Variants in CRYBG1 observed in about 807,000 individuals in gnomAD.
The protein encoded by CRYBG1 is crystallin beta-gamma domain containing 1.
Under a neutral mutation model 189.2 loss-of-function variants are expected in CRYBG1, and 139 were observed. The ratio of observed to expected loss-of-function variants is 0.73; its 90% CI spans 0.64 to 0.85. The LOEUF is 0.85. CRYBG1 is among the 40% of genes least tolerant of loss of function. CRYBG1 has a pLI of 0.00. For missense variants in CRYBG1, 2,611 were observed against 2,675.8 expected (o/e 0.98, Z 0.53); for synonymous variants, 1,023 against 1,017.1 (o/e 1.01, Z -0.11).
intron 3 of CRYBG1, among the ~76,000 whole-genome samples, chr6:106,516,498 T>C (rs547841625): frequency 6.6e-6 from 1 of 152,188 alleles, no homozygotes; most frequent in Admixed American, 6.5e-5. Context: ...CCTCCCAAAG[T>C]GTAGGGATTA....
intron 2 of CRYBG1, among the ~76,000 whole-genome samples, chr6:106,498,866 C>G (rs935001667): frequency 6.6e-6 from 1 of 151,626 alleles, no homozygotes; most frequent in African/African-American, 2.4e-5. Flanking sequence ...AAAAGTGAGA[C>G]CCGTCTCAAA....
rs570909275 is a variant in CRYBG1 at position 106,554,912 on chromosome 6, A to G, written c.5586-856A>G. 1.8e-4 allele frequency among the ~76,000 whole-genome samples: 27 copies of G among 152,268 alleles called. 1 individual carries two copies. In the South Asian group the frequency reaches 5.6e-3, roughly 32 times the overall value. ...CCAGGCACGGTGACTCACACCTGTA[A>G]TCCCAGCACTTTGGGAGGCCGAGGT... is the stretch of plus-strand genomic sequence containing the variant. On this transcript the variant is annotated intron_variant, in intron 16 of 21. Coordinates refer to ENST00000633556, the MANE Select transcript of CRYBG1 (RefSeq NM_001371242.2).
Position 106,465,055 on chromosome 6 carries a change from ATTATC to A in CRYBG1, c.312+13228_312+13232del, listed in dbSNP as rs1772084097. On this transcript the variant is annotated intron_variant, in intron 2 of 21. Transcript: ENST00000633556. ...TTCATCTTTAAAACTCTGATTAAAT[ATTATC>A]TTATTTGCGAAGTTCCCCTAATTCC... Among the ~76,000 whole-genome samples the A allele has an allele frequency of 3.3e-5, 5 of 152,326 alleles. No individual in the cohort carries two copies. The South Asian group carries it at 1.0e-3, about 32-fold the overall frequency.
chr6:106,563,866 T>C lies in CRYBG1; in HGVS notation c.6241T>C (p.Leu2081=), dbSNP rs1351353292. ...DQNADSQFWS[L]KSDGRIYSKL... ...GAATGCTGACAGCCAGTTCTGGAGC[T>C]TGAAGTCCGATGGCAGGATTTACAG... Residue 2081 remains leucine, a synonymous_variant, in exon 21 of 22, where the codon TTG becomes CTG. Transcript: ENST00000633556. The C allele has an allele frequency of 1.2e-6, 2 of 1,613,618 alleles. No individual in the cohort carries two copies. Among genetic ancestry groups the C allele is most frequent in the Non-Finnish European group, 1.7e-6 (2 of 1,179,508 alleles).
chr6:106,499,251 C>T (rs1428982342), intron 2 of CRYBG1, among the ~76,000 whole-genome samples: 1 of 149,086 alleles, frequency 6.7e-6, no homozygotes, highest in Non-Finnish European at 1.5e-5. Flanking sequence ...CTCCCGGGTT[C>T]AAGCAATTCT....
In CRYBG1 at chr6:106,551,909, A is replaced by G. The variant is rs1774412961; in HGVS notation, c.5370A>G (p.Gly1790=). ...GAGAACAGTATATACTGGATAAAGG[A>G]TTTTATACCAGTTTTGAGGACTGGG... The part of the protein sequence containing the change: ...FTGEQYILDK[G]FYTSFEDWGG... Residue 1790 remains glycine (G), a synonymous_variant, in exon 14 of 22, where the codon GGA becomes GGG. Transcript: ENST00000633556. The G allele has an allele frequency of 6.2e-7, 1 of 1,610,742 alleles. No individual in the cohort carries two copies. Among genetic ancestry groups the G allele is most frequent in the Admixed American group, 1.7e-5 (1 of 59,922 alleles).
chr6:106,465,869 G>T (rs922814796), intron 2 of CRYBG1, among the ~76,000 whole-genome samples: 11 of 152,086 alleles, frequency 7.2e-5, no homozygotes, highest in African/African-American at 1.7e-4. Context: ...TGAGCAAGTT[G>T]CCCATCCCTA....
intron 1 of CRYBG1, among the ~76,000 whole-genome samples, chr6:106,381,580 GA>G (rs1770288734): frequency 6.6e-6 from 1 of 152,222 alleles, no homozygotes; most frequent in Non-Finnish European, 1.5e-5. Context: ...AAGTGAGTAA[GA>G]AGCCAGCCAG....
intron 1 of CRYBG1, among the ~76,000 whole-genome samples, chr6:106,388,111 T>C (rs1276895472): frequency 1.3e-5 from 2 of 152,226 alleles, no homozygotes; most frequent in African/African-American, 4.8e-5. Context: ...TGTCTAGTTA[T>C]GCCACCTCAC....
At chr6:106,469,549 G>A (rs1582780936) in intron 2 of CRYBG1, among the ~76,000 whole-genome samples, 1 of 152,124 alleles carries the variant, frequency 6.6e-6, no homozygotes, top group South Asian at 2.1e-4. Context: ...ATTTCTCAAG[G>A]ACTACTTAAT....
rs1263629584 is a variant in CRYBG1 at position 106,371,952 on chromosome 6, A to C, written c.173+10871A>C. On this transcript the variant is annotated intron_variant, in intron 1 of 21. Transcript: ENST00000633556. ...TTTGTATGCCCATGAGGAAACAACC[A>C]GTCACAATAGCTGATAACTGTTGAC... 3.9e-5 allele frequency among the ~76,000 whole-genome samples: 6 copies of C among 152,236 alleles called. No individual in the cohort carries two copies. The East Asian group carries it at 1.2e-3, about 29-fold the overall frequency.
intron 13 of CRYBG1, among the ~76,000 whole-genome samples, chr6:106,550,300 A>G (rs1774365623): frequency 6.6e-6 from 1 of 152,262 alleles, no homozygotes; most frequent in Non-Finnish European, 1.5e-5. Flanking sequence ...AACATTTTGC[A>G]AAGTTCTGAT....
At chr6:106,480,672 G>T (rs1262232094) in intron 2 of CRYBG1, among the ~76,000 whole-genome samples, 1 of 137,942 alleles carries the variant, frequency 7.2e-6, no homozygotes, top group Non-Finnish European at 1.6e-5. Context: ...ATCTCAAAAA[G>T]AAAAAAAAAA....
intron 4 of CRYBG1, among the ~76,000 whole-genome samples, chr6:106,523,312 T>G (rs575996578): frequency 2.8e-4 from 43 of 152,310 alleles, no homozygotes; most frequent in African/African-American, 1.0e-3. Context: ...TTTCTATTAA[T>G]AGTTATATAA....
intron 2 of CRYBG1, among the ~76,000 whole-genome samples, chr6:106,477,767 G>C (rs191553861): frequency 2.6e-5 from 4 of 152,200 alleles, no homozygotes; most frequent in African/African-American, 4.8e-5. Flanking sequence ...TTTCTACCCA[G>C]GTTTTCCTGA....
chr6:106,495,074 T>C (rs1032374948), intron 2 of CRYBG1, among the ~76,000 whole-genome samples: 2 of 152,224 alleles, frequency 1.3e-5, no homozygotes, highest in Non-Finnish European at 2.9e-5. Flanking sequence ...TCTGTTGTCT[T>C]TTCAGCAATT....
chr6:106,525,642 C>T (rs1441792528), intron 6 of CRYBG1, among the ~76,000 whole-genome samples: 1 of 152,120 alleles, frequency 6.6e-6, no homozygotes, highest in African/African-American at 2.4e-5. Flanking sequence ...TCCCATGCTT[C>T]CCCATAATAT....
intron 2 of CRYBG1, among the ~76,000 whole-genome samples, chr6:106,456,839 A>G (rs532952628): frequency 6.6e-6 from 1 of 152,284 alleles, no homozygotes; most frequent in South Asian, 2.1e-4. Flanking sequence ...CCTCAGACTC[A>G]TTGACCTCAC....
intron 8 of CRYBG1, among the ~76,000 whole-genome samples, chr6:106,530,720 A>C (rs184898577): frequency 6.6e-6 from 1 of 152,284 alleles, no homozygotes; most frequent in African/African-American, 2.4e-5. Flanking sequence ...TTTTCACACA[A>C]TGCTGGTTCA....
Sources: allele counts gnomAD v4.1 joint callset (sites outside exome capture counted in the v4.1 genomes callset), GRCh38; gene constraint gnomAD v4.1.1; transcripts MANE v1.5; gene names NCBI Gene and HGNC (gene_info 2026-07-23, HGNC 2026-07-21).